Variants in MRTFA observed in about 807,000 individuals in gnomAD.
MRTFA encodes the protein myocardin-related transcription factor A.
In MRTFA, 20 loss-of-function variants were observed where a neutral mutation model predicts 83.5. The observed-to-expected ratio is 0.24, with a 90% CI of 0.17 to 0.35. MRTFA has a LOEUF of 0.35. MRTFA is among the 10% of genes least tolerant of loss of function. MRTFA has a pLI of 1.00. For missense variants in MRTFA, 1,200 were observed against 1,224.7 expected, an observed-to-expected ratio of 0.98 and a Z score of 0.30; for synonymous variants, 659 against 541.2, an observed-to-expected ratio of 1.22 and a Z score of -3.02.
intron 1 of MRTFA, among the ~76,000 whole-genome samples, chr22:40,631,163 A>C (rs969143687): frequency 1.3e-5 from 2 of 152,214 alleles, no homozygotes; most frequent in African/African-American, 4.8e-5. Context: ...AATTATCTAG[A>C]TGTAGGTACT....
intron 12 of MRTFA, chr22:40,417,834 C>A: frequency 3.5e-6 from 1 of 286,712 alleles, no homozygotes; most frequent in Non-Finnish European, 6.6e-6. Flanking sequence ...CTGTCACTGT[C>A]TTCTCTACCC....
At chr22:40,424,746 C>T (rs2147081797) in intron 7 of MRTFA, among the ~76,000 whole-genome samples, 1 of 152,334 alleles carries the variant, frequency 6.6e-6, no homozygotes, top group Non-Finnish European at 1.5e-5. Context: ...TCTACCTCAA[C>T]CGTCTCCCTA....
At chr22:40,513,725 A>G (rs2054707533) in intron 3 of MRTFA, among the ~76,000 whole-genome samples, 1 of 152,144 alleles carries the variant, frequency 6.6e-6, no homozygotes, top group African/African-American at 2.4e-5. Flanking sequence ...AACTAAGTAC[A>G]TTAATAAAAA....
At chr22:40,613,067 A>G (rs2056405174) in intron 1 of MRTFA, among the ~76,000 whole-genome samples, 1 of 152,186 alleles carries the variant, frequency 6.6e-6, no homozygotes, top group South Asian at 2.1e-4. Flanking sequence ...AGTTTTGCCT[A>G]GTGTAGAACT....
At position 40,618,434 on chromosome 22, in the gene MRTFA, C is replaced by T. The variant is rs531546151; in HGVS notation, c.-84+18044G>A. On this transcript the variant is annotated intron_variant, in intron 1 of 14. Coordinates refer to ENST00000355630, the MANE Select transcript of MRTFA (RefSeq NM_020831.6). The stretch of plus-strand genomic sequence containing the variant: ...CCTCTCTGATAAGGAGACATCTGAG[C>T]AAACATCTGAAAAAAGTGAGGAAGT... Among the ~76,000 whole-genome samples the T allele has an allele frequency of 4.6e-5, 7 of 151,696 alleles. No homozygotes were observed. The East Asian group carries it at 1.4e-3, about 29-fold the overall frequency.
At chr22:40,585,306 A>G (rs536604833) in intron 2 of MRTFA, among the ~76,000 whole-genome samples, 10 of 152,234 alleles carry the variant, frequency 6.6e-5, no homozygotes, top group Non-Finnish European at 1.0e-4. Flanking sequence ...GGCTAAATTT[A>G]TAACAAAAAG....
rs200369470 is a variant in MRTFA, at chr22:40,605,594, TAAG to T, written c.-83-10862_-83-10860del. On this transcript the variant is annotated intron_variant, in intron 1 of 14. Transcript: ENST00000355630. ...AGTGATGTGATTCCATTTATGTTTT[TAAG>T]AAGATCATTCTTGTTACTCTGGAAA... Among the ~76,000 whole-genome samples, 229 of 152,352 alleles carry T rather than the reference TAAG, an allele frequency of 1.5e-3. 4 individuals carry two copies. In the East Asian group the frequency reaches 0.04, roughly 27 times the overall value.
intron 2 of MRTFA, among the ~76,000 whole-genome samples, chr22:40,567,676 T>A (rs1008638302): frequency 2.7e-4 from 41 of 152,172 alleles, no homozygotes; most frequent in African/African-American, 9.9e-4. Flanking sequence ...CAGGTATGAA[T>A]AATATAAAAA....
chr22:40,532,307 A>T (rs150908087), intron 3 of MRTFA, among the ~76,000 whole-genome samples: 1 of 152,352 alleles, frequency 6.6e-6, no homozygotes, highest in East Asian at 1.9e-4. Flanking sequence ...AGAGAGTTCA[A>T]ATGCTAAAAT....
At position 40,417,432 on chromosome 22, in the gene MRTFA, G is replaced by A. The variant is rs1316748988; in HGVS notation, c.2426C>T (p.Pro809Leu). ...GGGGGTCCCAAAGAGGGGCTGCAGT[G>A]GGTGCTCCAGGTCCATCTGGGCAGA... The change falls in exon 13 of 15, where the codon CCA becomes CTA. Residue 809 changes from proline (P) to leucine (L), a missense_variant. By Grantham distance (98) the Pro-to-Leu change is moderately conservative (BLOSUM62 -3). Coordinates refer to ENST00000355630, the MANE Select transcript of MRTFA (RefSeq NM_020831.6). 1.2e-6 allele frequency: 2 copies of A among 1,607,254 alleles called. No individual in the cohort carries two copies. The highest frequency in any genetic ancestry group is 2.7e-5 in the African/African-American group (2 of 74,816).
At chr22:40,529,903 C>T (rs1455146997) in intron 3 of MRTFA, among the ~76,000 whole-genome samples, 1 of 152,174 alleles carries the variant, frequency 6.6e-6, no homozygotes, top group African/African-American at 2.4e-5. Flanking sequence ...CCAGGGTTAC[C>T]AGCTTCTGTG....
At chr22:40,587,744 G>C (rs1466400808) in intron 2 of MRTFA, 1 of 334,510 alleles carries the variant, frequency 3.0e-6, no homozygotes, top group Non-Finnish European at 5.9e-6. Context: ...CTGGCCAAAA[G>C]AGTGAGTCCC....
chr22:40,624,288 T>C (rs989471779), intron 1 of MRTFA, among the ~76,000 whole-genome samples: 47 of 151,810 alleles, frequency 3.1e-4, no homozygotes, highest in African/African-American at 1.1e-3. Flanking sequence ...TAGCCGTGCA[T>C]GGTGGGGCAC....
chr22:40,527,159 A>C (rs1238107893), intron 3 of MRTFA, among the ~76,000 whole-genome samples: 5 of 145,524 alleles, frequency 3.4e-5, no homozygotes, highest in Non-Finnish European at 7.6e-5. Context: ...CACACACACA[A>C]ATACTTTTAA....
intron 3 of MRTFA, among the ~76,000 whole-genome samples, chr22:40,492,512 C>A (rs1245912120): frequency 2.0e-5 from 3 of 152,162 alleles, no homozygotes; most frequent in Non-Finnish European, 4.4e-5. Flanking sequence ...AACCAACCAA[C>A]CTCATTCACC....
Position 40,418,484 on chromosome 22 carries a change from C to T in MRTFA, c.2254G>A (p.Gly752Arg). ...GTGATGAGGGTGGGAGGTGCAACCC[C>T]CTTGATGAGGCTGGGGCCCTGAGGC... Residue 752 changes from glycine (G) to arginine (R), a missense_variant, in exon 12 of 15, where the codon GGG (glycine) becomes AGG (arginine). Gly to Arg is a moderately radical substitution (Grantham distance 125). Around this residue, in one of 2 missense-constraint regions of MRTFA, gnomAD observed 1,107 missense variants for 1,041.8 expected, o/e 1.06. Transcript: ENST00000355630. The T allele has an allele frequency of 6.2e-7, 1 of 1,612,776 alleles. No homozygotes were observed. Among genetic ancestry groups the T allele is most frequent in the Admixed American group, 1.7e-5 (1 of 59,670 alleles).
chr22:40,457,436 G>GAGAAAGAAAGAAAGAAAGAAAGAA (rs555469044), intron 4 of MRTFA, among the ~76,000 whole-genome samples: 57 of 119,884 alleles, frequency 4.8e-4, no homozygotes, highest in South Asian at 1.2e-3. Context: ...AAGAAAGAAA[G>GAGAAAGAAAGAAAGAAAGAAAGAA]AGAAAGAAAG....
chr22:40,519,395 A>T, intron 3 of MRTFA: 1 of 1,310,072 alleles, frequency 7.6e-7, no homozygotes, highest in Non-Finnish European at 1.0e-6. Flanking sequence ...TATTTCATTT[A>T]GTCAGCTCAC....
At chr22:40,609,439 T>C (rs961945844) in intron 1 of MRTFA, among the ~76,000 whole-genome samples, 3 of 132,408 alleles carry the variant, frequency 2.3e-5, no homozygotes, top group African/African-American at 8.7e-5. Flanking sequence ...TAAGACTGCA[T>C]CACTGCCAGC....
Sources: allele counts gnomAD v4.1 joint callset (sites outside exome capture counted in the v4.1 genomes callset), GRCh38; gene constraint gnomAD v4.1.1; regional missense constraint gnomAD v4.1.1; transcripts MANE v1.5; gene names NCBI Gene and HGNC (gene_info 2026-07-23, HGNC 2026-07-21).